The following CASP8 variants were observed in gnomAD, a reference collection of about 807,000 sequenced individuals.
CASP8 encodes caspase-8.
In CASP8, 24 loss-of-function variants were observed where a neutral mutation model predicts 46.3. The ratio of observed to expected loss-of-function variants is 0.52; its 90% CI spans 0.38 to 0.73. The LOEUF (loss-of-function observed/expected upper bound fraction) is 0.73. Ranked by LOEUF, CASP8 falls within the 30% of genes least tolerant of loss-of-function variation. The pLI is 0.00. For synonymous variants in CASP8, 188 were observed against 200.4 expected (o/e 0.94, Z 0.52); for missense variants, 460 against 559.0 (o/e 0.82, Z 1.79).
rs554480015 is a variant in CASP8 at position 201,272,879 on chromosome 2, G to T, written c.551-19G>T. On this transcript the variant is annotated intron_variant, in intron 4 of 8. Coordinates refer to ENST00000673742, the MANE Select transcript of CASP8 (RefSeq NM_001372051.1). The surrounding 1 kb of genome is among the most constrained non-coding windows in gnomAD (Gnocchi z 4.4). ...TGTTTCTAATCAAATATTGTTTGGG[G>T]TTTCCCCTTTTAATTCAGAGAGAAG... 18 of 1,613,940 alleles carry T rather than the reference G, an allele frequency of 1.1e-5. No homozygotes were observed. The African/African-American group carries it at 2.1e-4, about 19-fold the overall frequency.
chr2:201,283,692 C>CT (rs1194351116), intron 7 of CASP8, among the ~76,000 whole-genome samples: 1 of 85,690 alleles, frequency 1.2e-5, no homozygotes, highest in Non-Finnish European at 2.8e-5. Context: ...GGCCGACCAC[C>CT]CCCCCCCGCC....
At chr2:201,283,099 C>T (rs1287119818) in intron 7 of CASP8, among the ~76,000 whole-genome samples, 1 of 66,042 alleles carries the variant, frequency 1.5e-5, no homozygotes, top group Admixed American at 1.1e-4. Flanking sequence ...GGGGGCTGAC[C>T]CCCCCACCTC....
In CASP8 at chr2:201,272,595, A is replaced by G. The variant is rs1948340869; in HGVS notation, c.412-43A>G. On this transcript the variant is annotated intron_variant, in intron 3 of 8. Transcript: ENST00000673742. This position sits in a 1 kb window ranked among gnomAD's most constrained non-coding sequence, Gnocchi z 4.4. ...AAAAAAATCTAATCTAAAAACCAGT[A>G]GGGCTCAATCCAGATTCCCAACTTT... is the stretch of plus-strand genomic sequence containing the variant. 6.2e-7 allele frequency: 1 copy of G among 1,610,248 alleles called. No individual in the cohort carries two copies. The highest frequency in any genetic ancestry group is 8.5e-7 in the Non-Finnish European group (1 of 1,176,930).
intron 7 of CASP8, among the ~76,000 whole-genome samples, chr2:201,279,135 G>A (rs1409516258): frequency 2.0e-5 from 3 of 152,204 alleles, no homozygotes; most frequent in Non-Finnish European, 4.4e-5. Context: ...TGTAGGTGAG[G>A]CAATGAGCAG....
intron 2 of CASP8, among the ~76,000 whole-genome samples, chr2:201,235,912 A>G (rs919729749): frequency 2.8e-4 from 43 of 152,374 alleles, no homozygotes; most frequent in African/African-American, 1.0e-3. Context: ...CAATACAGTA[A>G]CATGCTTTGT....
At chr2:201,273,922 A>C (rs1483151661) in intron 5 of CASP8, among the ~76,000 whole-genome samples, 1 of 151,724 alleles carries the variant, frequency 6.6e-6, no homozygotes, top group East Asian at 1.9e-4. Flanking sequence ...CCATCCACCT[A>C]CCTGGGCCTC....
chr2:201,261,596 G>A (rs1392528447), intron 1 of CASP8, among the ~76,000 whole-genome samples: 1 of 152,216 alleles, frequency 6.6e-6, no homozygotes, highest in African/African-American at 2.4e-5. Flanking sequence ...TTTGAATGCC[G>A]TGGCTGCAGC....
chr2:201,279,686 C>T (rs1029397878), intron 7 of CASP8, among the ~76,000 whole-genome samples: 5 of 152,150 alleles, frequency 3.3e-5, no homozygotes, highest in African/African-American at 4.8e-5. Flanking sequence ...TAGCTTGGTA[C>T]GGTGGCGTGA....
intron 2 of CASP8, among the ~76,000 whole-genome samples, chr2:201,252,960 G>C (rs907686247): frequency 1.3e-5 from 2 of 152,042 alleles, no homozygotes; most frequent in Non-Finnish European, 2.9e-5. Context: ...GAAAATATCT[G>C]TTTCAGGGAA....
chr2:201,276,568 C>T (rs1948644229), intron 6 of CASP8, among the ~76,000 whole-genome samples: 2 of 152,184 alleles, frequency 1.3e-5, no homozygotes, highest in Non-Finnish European at 2.9e-5. Context: ...AACAATAATA[C>T]AATGTGATGA....
At chr2:201,281,688 G>GT (rs1171289728) in intron 7 of CASP8, 14 of 365,470 alleles carry the variant, frequency 3.8e-5, no homozygotes, top group African/African-American at 1.2e-4. Context: ...AAATTGTTTT[G>GT]TTTTTTTCTG....
chr2:201,238,440 T>C (rs532424392), intron 2 of CASP8, among the ~76,000 whole-genome samples: 49 of 150,742 alleles, frequency 3.3e-4, no homozygotes, highest in Admixed American at 8.6e-4. Flanking sequence ...CTTTTCTTTT[T>C]TCTTTCTTTT....
At chr2:201,258,235 G>A, upstream of CASP8, 1 of 1,607,096 alleles carries the variant, frequency 6.2e-7, no homozygotes, top group Non-Finnish European at 8.5e-7. Flanking sequence ...TGAGGCCATG[G>A]AGGGAGGCAG....
chr2:201,272,227 GGTGTCTGTGTGTGT>G lies in CASP8; in HGVS notation c.412-398_412-385del, dbSNP rs1452750718. ...TGTATCTGTGTGTGTATGTGCATGT[GGTGTCTGTGTGTGT>G]GTGTCTGTGTGTCTGTATGTACTCA... On this transcript the variant is annotated intron_variant, in intron 3 of 8. Transcript: ENST00000673742. This position sits in a 1 kb window ranked among gnomAD's most constrained non-coding sequence, Gnocchi z 4.4. 6.6e-6 allele frequency among the ~76,000 whole-genome samples: 1 copy of G among 151,660 alleles called. No individual in the cohort carries two copies. The highest frequency in any genetic ancestry group is 1.5e-5 in the Non-Finnish European group (1 of 67,900).
intron 2 of CASP8, among the ~76,000 whole-genome samples, chr2:201,234,489 G>A (rs1399506004): frequency 1.3e-5 from 2 of 151,672 alleles, no homozygotes; most frequent in Non-Finnish European, 2.9e-5. Flanking sequence ...TTGCTCTGTC[G>A]CCTAGCCTGG....
At chr2:201,285,579 A>C (rs1949520010) in intron 8 of CASP8, among the ~76,000 whole-genome samples, 1 of 152,234 alleles carries the variant, frequency 6.6e-6, no homozygotes, top group African/African-American at 2.4e-5. Context: ...TAGATGGAAA[A>C]GCTGAGATGC....
chr2:201,272,930 G>A lies in CASP8; in HGVS notation c.583G>A (p.Glu195Lys), dbSNP rs2125259773. Residue 195 changes from glutamate (E) to lysine (K), a missense_variant, in exon 5 of 9, where the codon GAA (glutamate) becomes AAA (lysine). Glu to Lys is a moderately conservative substitution (Grantham distance 56). Transcript: ENST00000673742. The surrounding 1 kb of genome is among the most constrained non-coding windows in gnomAD (Gnocchi z 4.4). The stretch of plus-strand genomic sequence containing the variant: ...CAGCAGCCTTGAAGGAAGTCCTGAT[G>A]AATTTTCAAATGGTAATGCTTGGAG... ...RSSSLEGSPD[E>K]FSNGEELCGV... 1.2e-6 allele frequency: 2 copies of A among 1,613,998 alleles called. No individual in the cohort carries two copies. The highest frequency in any genetic ancestry group is 1.7e-6 in the Non-Finnish European group (2 of 1,179,896).
intron 2 of CASP8, among the ~76,000 whole-genome samples, chr2:201,249,105 C>T (rs561176119): frequency 6.6e-6 from 1 of 152,128 alleles, no homozygotes; most frequent in African/African-American, 2.4e-5. Flanking sequence ...GTTGGTCAGG[C>T]TAGTCTTCAA....
At chr2:201,265,862 A>C (rs1947779064) in intron 1 of CASP8, among the ~76,000 whole-genome samples, 1 of 152,114 alleles carries the variant, frequency 6.6e-6, no homozygotes, top group African/African-American at 2.4e-5. Flanking sequence ...CATTCTCCCC[A>C]AAATCCCTTC....
Sources: allele counts gnomAD v4.1 joint callset (sites outside exome capture counted in the v4.1 genomes callset), GRCh38; gene constraint gnomAD v4.1.1; non-coding constraint Gnocchi (gnomAD v3.1); transcripts MANE v1.5; gene names NCBI Gene and HGNC (gene_info 2026-07-23, HGNC 2026-07-21).